The following ITGB8 variants were observed in gnomAD, a reference collection of about 807,000 sequenced individuals.
ITGB8 encodes the protein integrin beta-8.
Under a neutral mutation model 89.5 loss-of-function variants are expected in ITGB8, and 30 were observed. That is an observed-to-expected ratio of 0.34 (90% CI 0.25 to 0.45). The LOEUF (loss-of-function observed/expected upper bound fraction) is 0.45. Among genes scored for constraint, ITGB8 ranks in the 20% least tolerant of loss-of-function variants. ITGB8 has a pLI of 1.00. For missense variants in ITGB8, 836 were observed against 933.3 expected (o/e 0.90, Z 1.36); for synonymous variants, 335 against 320.4 (o/e 1.05, Z -0.49).
chr7:20,337,393 T>C (rs533403697), intron 1 of ITGB8, among the ~76,000 whole-genome samples: 1 of 152,340 alleles, frequency 6.6e-6, no homozygotes, highest in African/African-American at 2.4e-5. Flanking sequence ...ATTCAGACTT[T>C]CTTAAAGCAC....
At chr7:20,384,949 A>C (rs945816250) in intron 6 of ITGB8, among the ~76,000 whole-genome samples, 1 of 152,196 alleles carries the variant, frequency 6.6e-6, no homozygotes, top group African/African-American at 2.4e-5. Flanking sequence ...CTGTAGCAAT[A>C]GTATAGTTTT....
intron 1 of ITGB8, among the ~76,000 whole-genome samples, chr7:20,349,234 T>C (rs974056029): frequency 1.3e-5 from 2 of 152,152 alleles, no homozygotes; most frequent in African/African-American, 2.4e-5. Flanking sequence ...ATATTTGGCA[T>C]TGAGGATAGA....
rs1787766000 is a variant in ITGB8 at position 20,411,654 on chromosome 7, T to A, written c.*1657T>A. ...AATTGGCAAATGTTTTTCAATGTGA[T>A]TTACTCATGTCTTAAGTGTATGAGG... On this transcript the variant is annotated 3_prime_UTR_variant, in exon 14 of 14. Coordinates refer to ENST00000222573, the MANE Select transcript of ITGB8 (RefSeq NM_002214.3). The A allele has an allele frequency of 6.6e-6, 1 of 152,662 alleles. No homozygotes were observed. 9.5% of individuals were successfully genotyped at this position (152,662 alleles called of 1,614,324 possible). A position where few individuals can be genotyped will look rare whatever the true frequency, so the allele number is the denominator to read the frequency against.
intron 1 of ITGB8, among the ~76,000 whole-genome samples, chr7:20,348,741 G>A (rs545813597): frequency 1.1e-4 from 16 of 152,290 alleles, no homozygotes; most frequent in Non-Finnish European, 2.4e-4. Context: ...AATAAGAGCT[G>A]TGACCTTTGA....
At chr7:20,367,211 A>G in intron 3 of ITGB8, 25 bp downstream of exon 3, 1 of 1,528,024 alleles carries the variant, frequency 6.5e-7, no homozygotes, top group Non-Finnish European at 9.0e-7. Context: ...AAATAAATCT[A>G]TAATGATTCT....
intron 4 of ITGB8, 26 bp downstream of exon 4, chr7:20,379,323 C>T: frequency 1.4e-6 from 2 of 1,419,452 alleles, no homozygotes; most frequent in Non-Finnish European, 1.9e-6. Context: ...TGTGGATATG[C>T]TAAATTAATT....
At chr7:20,357,407 C>T (rs1044227482) in intron 1 of ITGB8, among the ~76,000 whole-genome samples, 3 of 152,008 alleles carry the variant, frequency 2.0e-5, no homozygotes, top group Non-Finnish European at 2.9e-5. Flanking sequence ...GTTACATTTA[C>T]GACAAGTTTG....
intron 6 of ITGB8, among the ~76,000 whole-genome samples, chr7:20,383,530 TA>T (rs1786487348): frequency 6.6e-6 from 1 of 152,194 alleles, no homozygotes; most frequent in Non-Finnish European, 1.5e-5. Context: ...AGAAGGTTTT[TA>T]TTTTTTTAAG....
intron 1 of ITGB8, 39 bp downstream of exon 1, chr7:20,331,972 C>T (rs1784417384): frequency 6.2e-7 from 1 of 1,604,734 alleles, no homozygotes; most frequent in Admixed American, 1.7e-5. Flanking sequence ...TTCTCTTCCC[C>T]AAAGGTCTTG....
At chr7:20,395,960 G>A (rs1204007814) in intron 8 of ITGB8, among the ~76,000 whole-genome samples, 1 of 152,044 alleles carries the variant, frequency 6.6e-6, no homozygotes, top group African/African-American at 2.4e-5. Flanking sequence ...TGAATTTATG[G>A]GCCAACTATA....
At chr7:20,353,793 G>T (rs962619070) in intron 1 of ITGB8, among the ~76,000 whole-genome samples, 1 of 150,662 alleles carries the variant, frequency 6.6e-6, no homozygotes, top group Non-Finnish European at 1.5e-5. Context: ...TTAGCCAGGC[G>T]TGGTGGCGCG....
rs1562710097 is a variant in ITGB8 at position 20,410,898 on chromosome 7, C to A, written c.*901C>A. The A allele has an allele frequency of 1.3e-5, 2 of 152,534 alleles. No homozygotes were observed. The highest frequency in any genetic ancestry group is 2.9e-5 in the Non-Finnish European group (2 of 68,040). 9.4% of individuals were successfully genotyped at this position (152,534 alleles called of 1,614,324 possible). On this transcript the variant is annotated 3_prime_UTR_variant, in exon 14 of 14. Transcript: ENST00000222573. ...CTGGTAAACTGAAGGGATTGTTTGG[C>A]CATTTCATTTATCTTATCATTAATT... is the stretch of plus-strand genomic sequence containing the variant.
intron 1 of ITGB8, among the ~76,000 whole-genome samples, chr7:20,355,160 A>G (rs923833515): frequency 2.6e-5 from 4 of 151,300 alleles, no homozygotes; most frequent in Non-Finnish European, 5.9e-5. Flanking sequence ...CTCCAACCCC[A>G]CTCCTCCCCG....
rs975582545 is a variant in ITGB8 at position 20,411,325 on chromosome 7, T to A, written c.*1328T>A. On this transcript the variant is annotated 3_prime_UTR_variant, in exon 14 of 14. Coordinates refer to ENST00000222573, the MANE Select transcript of ITGB8 (RefSeq NM_002214.3). The stretch of plus-strand genomic sequence containing the variant: ...ATCCACCACCGTGCCCAGCTAATTT[T>A]TGTATTTTTAGTAGAGACGGGGTTT... The A allele has an allele frequency of 6.6e-6, 1 of 152,238 alleles. No individual in the cohort carries two copies. The highest frequency in any genetic ancestry group is 2.4e-5 in the African/African-American group (1 of 41,386). The allele number at this position is 152,238 out of a possible 1,614,324, so 9.4% of individuals were successfully genotyped here.
At chr7:20,383,956 A>T (rs1786505917) in intron 6 of ITGB8, among the ~76,000 whole-genome samples, 1 of 152,158 alleles carries the variant, frequency 6.6e-6, no homozygotes, top group Non-Finnish European at 1.5e-5. Context: ...TTTGTTTTAA[A>T]GGATTATCTT....
intron 5 of ITGB8, 50 bp downstream of exon 5, chr7:20,380,881 A>C (rs752372387): frequency 6.8e-7 from 1 of 1,473,738 alleles, no homozygotes; most frequent in Non-Finnish European, 9.3e-7. Context: ...AAACTTTCAA[A>C]GAATTTAGAC....
chr7:20,358,947 G>A (rs1015529338), intron 1 of ITGB8, among the ~76,000 whole-genome samples: 2 of 152,164 alleles, frequency 1.3e-5, no homozygotes, highest in Non-Finnish European at 2.9e-5. Context: ...TCACTTATAA[G>A]TGGTAACATG....
intron 6 of ITGB8, among the ~76,000 whole-genome samples, chr7:20,390,986 T>C (rs1786831612): frequency 6.6e-6 from 1 of 152,120 alleles, no homozygotes; most frequent in South Asian, 2.1e-4. Context: ...TATATGTTTA[T>C]AGGCATATAC....
chr7:20,386,405 A>ATTTTTTTTTTTTTTTTTTTTT (rs759304002), intron 6 of ITGB8, among the ~76,000 whole-genome samples: 2 of 80,370 alleles, frequency 2.5e-5, no homozygotes, highest in African/African-American at 5.5e-5. Context: ...CACCTGGCTA[A>ATTTTTTTTTTTTTTTTTTTTT]TTTTTTTTTT....
Sources: allele counts gnomAD v4.1 joint callset (sites outside exome capture counted in the v4.1 genomes callset), GRCh38; gene constraint gnomAD v4.1.1; transcripts MANE v1.5; gene names NCBI Gene and HGNC (gene_info 2026-07-23, HGNC 2026-07-21).